BTBD9: variants seen among roughly 807,000 people sequenced by gnomAD.
BTBD9 encodes the protein BTB domain containing 9.
Under a neutral mutation model 64.3 loss-of-function variants are expected in BTBD9, and 49 were observed. That is an observed-to-expected ratio of 0.76 (90% CI 0.61 to 0.97). The LOEUF (loss-of-function observed/expected upper bound fraction) is 0.97. BTBD9 is among the 50% of genes least tolerant of loss of function. BTBD9 has a pLI of 0.00. For synonymous variants in BTBD9, 260 were observed against 274.7 expected (o/e 0.95, Z 0.53); for missense variants, 598 against 762.1 (o/e 0.78, Z 2.53).
intron 6 of BTBD9, among the ~76,000 whole-genome samples, chr6:38,473,483 C>G (rs779507010): frequency 1.3e-5 from 2 of 152,130 alleles, no homozygotes; most frequent in Non-Finnish European, 2.9e-5. Flanking sequence ...TCTGTCAGTG[C>G]TATTTTAATT....
At chr6:38,178,106 C>T (rs1225137625) in intron 10 of BTBD9, among the ~76,000 whole-genome samples, 3 of 152,266 alleles carry the variant, frequency 2.0e-5, no homozygotes, top group African/African-American at 7.2e-5. Flanking sequence ...GAAGTGCAGT[C>T]TCCCTGAGCA....
At position 38,629,601 on chromosome 6, in the gene BTBD9, A is replaced by G. The variant is rs141553061; in HGVS notation, c.-28+10199T>C. ...CACTTTGGGAGGCCGAGGCAGGAGG[A>G]TCACGAGGTCAAGAGTTCTAGACCA... On this transcript the variant is annotated intron_variant, in intron 1 of 10. Transcript: ENST00000481247. 2.6e-3 allele frequency among the ~76,000 whole-genome samples: 402 copies of G among 152,252 alleles called. 2 individuals are homozygous for G. The highest frequency in any genetic ancestry group is 9.1e-3 in the African/African-American group (376 of 41,546).
Position 38,317,152 on chromosome 6 carries a change from T to C in BTBD9, c.1264+27832A>G, listed in dbSNP as rs1248343390. On this transcript the variant is annotated intron_variant, in intron 7 of 10. Transcript: ENST00000481247. ...CTGGGATTACAGATGTGCAGCACCA[T>C]GCTCAGTCCATTTTTGGTATTTTTA... Among the ~76,000 whole-genome samples, 13 of 152,104 alleles carry C rather than the reference T, an allele frequency of 8.5e-5. No individual in the cohort carries two copies. The East Asian group carries it at 1.2e-3, about 14-fold the overall frequency.
At position 38,288,348 on chromosome 6, in the gene BTBD9, C is replaced by T. The variant is rs1761826289; in HGVS notation, c.1378G>A (p.Gly460Ser). 6.2e-7 allele frequency: 1 copy of T among 1,614,004 alleles called. No homozygotes were observed. Among genetic ancestry groups the T allele is most frequent in the African/African-American group, 1.3e-5 (1 of 74,904 alleles). The change falls in exon 8 of 11, where the codon GGC becomes AGC. Residue 460 changes from glycine (G) to serine (S), a missense_variant. Coordinates refer to ENST00000481247, the MANE Select transcript of BTBD9 (RefSeq NM_001099272.2). The stretch of plus-strand genomic sequence containing the variant: ...CTTCCTAGCTGGTGACATGTGTAGC[C>T]AGAATCCCAGTCATAATTCTTAGTG... ...GDTKNYDWDS[G>S]YTCHQLGSGA...
At chr6:38,633,223 C>T (rs1019323372) in intron 1 of BTBD9, among the ~76,000 whole-genome samples, 3 of 152,152 alleles carry the variant, frequency 2.0e-5, no homozygotes, top group African/African-American at 7.2e-5. Flanking sequence ...ATGCTGAAGA[C>T]CCATGGTGAC....
At position 38,531,854 on chromosome 6, in the gene BTBD9, G is replaced by C. The variant is rs369998542; in HGVS notation, c.1154+45746C>G. 1.5e-4 allele frequency among the ~76,000 whole-genome samples: 23 copies of C among 152,224 alleles called. No individual in the cohort carries two copies. The South Asian group carries it at 4.8e-3, about 32-fold the overall frequency. On this transcript the variant is annotated intron_variant, in intron 6 of 10. Coordinates refer to ENST00000481247, the MANE Select transcript of BTBD9 (RefSeq NM_001099272.2). ...CTCAAATCAAAAAACCTACAACAGG[G>C]AGAGGCAGGGAGAAGGCACAGCAAG...
At chr6:38,547,653 A>G (rs1377054996) in intron 6 of BTBD9, among the ~76,000 whole-genome samples, 3 of 151,960 alleles carry the variant, frequency 2.0e-5, no homozygotes, top group Non-Finnish European at 4.4e-5. Context: ...TCATCCGTTC[A>G]TGCTGTTCCT....
chr6:38,480,440 G>GGTCA (rs1771086264), intron 6 of BTBD9, among the ~76,000 whole-genome samples: 1 of 152,166 alleles, frequency 6.6e-6, no homozygotes, highest in Admixed American at 6.5e-5. Flanking sequence ...TGAAAGTGTA[G>GGTCA]GTCAGATTGG....
At chr6:38,512,253 G>A (rs1056149822) in intron 6 of BTBD9, among the ~76,000 whole-genome samples, 1 of 152,146 alleles carries the variant, frequency 6.6e-6, no homozygotes. Flanking sequence ...GATTACAGGC[G>A]TGAACCACCA....
intron 6 of BTBD9, among the ~76,000 whole-genome samples, chr6:38,530,575 A>G (rs1475386298): frequency 9.3e-6 from 1 of 107,448 alleles, no homozygotes; most frequent in Non-Finnish European, 2.5e-5. Context: ...TATGGAAAAT[A>G]GAAAGAACCT....
At chr6:38,404,390 C>A (rs1463556183) in intron 6 of BTBD9, among the ~76,000 whole-genome samples, 2 of 152,110 alleles carry the variant, frequency 1.3e-5, no homozygotes, top group African/African-American at 4.8e-5. Flanking sequence ...GTAGTAGACC[C>A]AGTTAGGTAA....
At chr6:38,305,324 A>G (rs549642054) in intron 7 of BTBD9, among the ~76,000 whole-genome samples, 1 of 152,152 alleles carries the variant, frequency 6.6e-6, no homozygotes, top group Non-Finnish European at 1.5e-5. Flanking sequence ...TATTCTCTCA[A>G]CTTCTCCCCT....
intron 9 of BTBD9, among the ~76,000 whole-genome samples, chr6:38,198,778 A>G (rs1762355695): frequency 6.6e-6 from 1 of 152,216 alleles, no homozygotes; most frequent in Non-Finnish European, 1.5e-5. Flanking sequence ...CTAAAGAAAT[A>G]TTTGTTTCCC....
intron 6 of BTBD9, among the ~76,000 whole-genome samples, chr6:38,506,976 G>A (rs1375452184): frequency 6.6e-6 from 1 of 152,050 alleles, no homozygotes; most frequent in Non-Finnish European, 1.5e-5. Flanking sequence ...GTTCCTGCTG[G>A]CTTCTAGAAT....
At chr6:38,397,274 C>T (rs56940303) in intron 6 of BTBD9, among the ~76,000 whole-genome samples, 2,151 of 152,260 alleles carry the variant, frequency 0.014, 55 homozygotes, top group African/African-American at 0.049. Flanking sequence ...TATTGGACAG[C>T]ACTGTTCCAG....
intron 1 of BTBD9, among the ~76,000 whole-genome samples, chr6:38,626,511 C>A (rs963499655): frequency 6.6e-6 from 1 of 152,032 alleles, no homozygotes; most frequent in African/African-American, 2.4e-5. Context: ...TCCTTTGGAC[C>A]CAGAGCACCT....
chr6:38,527,572 C>CT (rs1441372074), intron 6 of BTBD9, among the ~76,000 whole-genome samples: 5 of 152,254 alleles, frequency 3.3e-5, no homozygotes, highest in Non-Finnish European at 5.9e-5. Flanking sequence ...CCTGCTTCCC[C>CT]TTCTGTCATG....
intron 9 of BTBD9, among the ~76,000 whole-genome samples, chr6:38,221,534 C>T (rs753212007): frequency 6.6e-6 from 1 of 152,102 alleles, no homozygotes; most frequent in Non-Finnish European, 1.5e-5. Context: ...GGAGTGCCGC[C>T]CGTCAATGAA....
intron 9 of BTBD9, among the ~76,000 whole-genome samples, chr6:38,210,387 T>G (rs1033260998): frequency 3.3e-5 from 5 of 152,184 alleles, no homozygotes; most frequent in African/African-American, 1.2e-4. Flanking sequence ...AAACAGACTC[T>G]GGGGCCAAGT....
Sources: gnomAD v4.1 joint callset for allele counts (sites outside exome capture counted in the v4.1 genomes callset) on GRCh38, gnomAD v4.1.1 for gene constraint, MANE v1.5 for transcripts, NCBI Gene and HGNC (gene_info 2026-07-23, HGNC 2026-07-21) for gene names.